The following IRS1 variants were observed in gnomAD, a reference collection of about 807,000 sequenced individuals.
IRS1 encodes the protein insulin receptor substrate 1.
Under a neutral mutation model 65.6 loss-of-function variants are expected in IRS1, and 34 were observed. The ratio of observed to expected loss-of-function variants is 0.52; its 90% confidence interval spans 0.39 to 0.69. The LOEUF is 0.69. Among genes scored for constraint, IRS1 ranks in the 30% least tolerant of loss-of-function variants. The pLI, the probability that IRS1 is intolerant of heterozygous loss-of-function variation, is 0.00. For synonymous variants in IRS1, 699 were observed against 683.5 expected (o/e 1.02, Z -0.35); for missense variants, 1,641 against 1,720.2 (o/e 0.95, Z 0.81).
Position 226,795,997 on chromosome 2 carries a change from A to G in IRS1, c.2742T>C (p.Ala914=), listed in dbSNP as rs1434152075. ...ACCTGACAGAAGGTGAGCTGTGGAAAGCCACCGGGCCAGACAAGTAGCCAG... is the reference window on the plus strand; with the variant it reads ...ACCTGACAGAAGGTGAGCTGTGGAAGGCCACCGGGCCAGACAAGTAGCCAG... The part of the protein sequence containing the change: ...DQSGYLSGPV[A]FHSSPSVRCP... Residue 914 remains alanine (A), a synonymous_variant, in exon 1 of 2, where the codon GCT becomes GCC. Transcript: ENST00000305123. 2 of 1,614,142 alleles carry G rather than the reference A, an allele frequency of 1.2e-6. No individual in the cohort carries two copies. The highest frequency in any genetic ancestry group is 2.2e-5 in the East Asian group (1 of 44,882).
At chr2:226,753,941 C>T (rs1271177708) in intron 1 of IRS1, among the ~76,000 whole-genome samples, 2 of 152,196 alleles carry the variant, frequency 1.3e-5, no homozygotes, top group Non-Finnish European at 2.9e-5. Context: ...CAGCCTAAAC[C>T]TCCCGGGCTC....
intron 1 of IRS1, among the ~76,000 whole-genome samples, chr2:226,792,883 AG>A (rs1233600901): frequency 6.6e-6 from 1 of 152,244 alleles, no homozygotes; most frequent in East Asian, 1.9e-4. Context: ...AGCAGAATTG[AG>A]GATGTAAATG....
At chr2:226,744,929 G>A (rs1255459021) in intron 1 of IRS1, among the ~76,000 whole-genome samples, 3 of 151,580 alleles carry the variant, frequency 2.0e-5, no homozygotes, top group East Asian at 1.9e-4. Flanking sequence ...TCTTTGAAGC[G>A]AACTGTTCTT....
intron 1 of IRS1, among the ~76,000 whole-genome samples, chr2:226,746,224 T>G (rs1210142003): frequency 6.6e-6 from 1 of 152,208 alleles, no homozygotes; most frequent in African/African-American, 2.4e-5. Context: ...CACATGAATA[T>G]GCTTAAATGG....
intron 1 of IRS1, among the ~76,000 whole-genome samples, chr2:226,752,691 G>A (rs766147573): frequency 1.3e-5 from 2 of 152,184 alleles, no homozygotes; most frequent in Non-Finnish European, 2.9e-5. Context: ...AACCAGTTGA[G>A]ACAGAGTGAG....
chr2:226,732,474 A>G lies in IRS1; in HGVS notation c.*3798T>C, dbSNP rs948835452. The G allele has an allele frequency of 6.8e-6, 1 of 148,000 alleles. No homozygotes were observed. Among genetic ancestry groups the G allele is most frequent in the South Asian group, 2.1e-4 (1 of 4,766 alleles). The allele number at this position is 148,000 out of a possible 1,614,324, so 9.2% of individuals were successfully genotyped here. ...TTCTCACAAGCCTATACATCTATAT[A>G]TATATATATATATATATACACACAC... On this transcript the variant is annotated 3_prime_UTR_variant, in exon 2 of 2. Coordinates refer to ENST00000305123, the MANE Select transcript of IRS1 (RefSeq NM_005544.3).
rs1253015939 is a variant in IRS1 at position 226,794,420 on chromosome 2, C to T, written c.*21+569G>A. Among the ~76,000 whole-genome samples the T allele has an allele frequency of 6.6e-6, 1 of 152,232 alleles. No homozygotes were observed. Among genetic ancestry groups the T allele is most frequent in the Non-Finnish European group, 1.5e-5 (1 of 68,038 alleles). ...AATACATATTTCTAAAAAGCTCTTACTCCTGATCTTTTTAGGGCAGGATGA... is the reference window on the plus strand; with the variant it reads ...AATACATATTTCTAAAAAGCTCTTATTCCTGATCTTTTTAGGGCAGGATGA... On this transcript the variant is annotated intron_variant, in intron 1 of 1. Coordinates refer to ENST00000305123, the MANE Select transcript of IRS1 (RefSeq NM_005544.3). The surrounding 1 kb of genome is among the most constrained non-coding windows in gnomAD (Gnocchi z 4.1).
At chr2:226,760,758 T>C (rs1021921206) in intron 1 of IRS1, among the ~76,000 whole-genome samples, 3 of 152,230 alleles carry the variant, frequency 2.0e-5, no homozygotes, top group Non-Finnish European at 2.9e-5. Context: ...TTTCAGATGA[T>C]GCTAGGAAGG....
intron 1 of IRS1, among the ~76,000 whole-genome samples, chr2:226,744,685 C>G (rs1392791827): frequency 6.6e-6 from 1 of 152,160 alleles, no homozygotes. Context: ...TGCACATGCT[C>G]TTTATGAGAA....
chr2:226,798,801 C>A lies in IRS1; in HGVS notation c.-63G>T. 6.4e-7 allele frequency: 1 copy of A among 1,564,026 alleles called. No individual in the cohort carries two copies. ...CTCCGAAAAACAACCGGGTGGGGGGCGGAGGCTCCTCGCCGCGGCCCGGCA... is the reference window on the plus strand; with the variant it reads ...CTCCGAAAAACAACCGGGTGGGGGGAGGAGGCTCCTCGCCGCGGCCCGGCA... On this transcript the variant is annotated 5_prime_UTR_variant, in exon 1 of 2. Coordinates refer to ENST00000305123, the MANE Select transcript of IRS1 (RefSeq NM_005544.3). The surrounding 1 kb of genome is among the most constrained non-coding windows in gnomAD (Gnocchi z 9.4).
At chr2:226,775,439 G>T (rs1447911506) in intron 1 of IRS1, among the ~76,000 whole-genome samples, 1 of 152,240 alleles carries the variant, frequency 6.6e-6, no homozygotes, top group African/African-American at 2.4e-5. Context: ...GATAAACAAG[G>T]AGGCGAGAAT....
In IRS1 at chr2:226,798,980, A is replaced by G; in HGVS notation, c.-242T>C. The G allele has an allele frequency of 2.1e-6, 3 of 1,440,030 alleles. No individual in the cohort carries two copies. 89.2% of individuals were successfully genotyped at this position (1,440,030 alleles called of 1,614,324 possible). A position where few individuals can be genotyped will look rare whatever the true frequency, so the allele number is the denominator to read the frequency against. On this transcript the variant is annotated 5_prime_UTR_variant, in exon 1 of 2. Transcript: ENST00000305123. The surrounding 1 kb of genome is among the most constrained non-coding windows in gnomAD (Gnocchi z 9.4). ...GGCGCTTCACGCCCGGCGGGGAGGC[A>G]GTGCGTCCGGGGTGAGGGCAGCCCC... is the stretch of plus-strand genomic sequence containing the variant.
Position 226,782,464 on chromosome 2 carries a change from C to T in IRS1, c.*21+12525G>A, listed in dbSNP as rs893994923. On this transcript the variant is annotated intron_variant, in intron 1 of 1. Transcript: ENST00000305123. The stretch of plus-strand genomic sequence containing the variant: ...CAAATCTAGATTTATGCTCAGGCAG[C>T]GAAAGCCCTTTCAAACCATTTCAAA... 2.6e-5 allele frequency among the ~76,000 whole-genome samples: 4 copies of T among 152,130 alleles called. No homozygotes were observed. The South Asian group carries it at 6.2e-4, about 24-fold the overall frequency.
At chr2:226,745,777 C>G (rs1489276634) in intron 1 of IRS1, among the ~76,000 whole-genome samples, 4 of 152,124 alleles carry the variant, frequency 2.6e-5, no homozygotes, top group Non-Finnish European at 5.9e-5. Context: ...TGAAAACACA[C>G]CAGCCAAAAA....
chr2:226,791,843 C>G (rs1218040073), intron 1 of IRS1, among the ~76,000 whole-genome samples: 1 of 151,954 alleles, frequency 6.6e-6, no homozygotes, highest in Non-Finnish European at 1.5e-5. Flanking sequence ...AGGGGCCCCA[C>G]CGCCCTGGAT....
intron 1 of IRS1, among the ~76,000 whole-genome samples, chr2:226,760,578 C>T (rs943823267): frequency 9.2e-5 from 14 of 152,258 alleles, no homozygotes; most frequent in African/African-American, 3.4e-4. Context: ...ACATTCTTGT[C>T]CATCTGGAAT....
chr2:226,739,782 A>G (rs1938399033), intron 1 of IRS1, among the ~76,000 whole-genome samples: 1 of 152,190 alleles, frequency 6.6e-6, no homozygotes, highest in South Asian at 2.1e-4. Context: ...CTGAACTTGA[A>G]TAAAGCAACT....
chr2:226,789,293 T>C (rs939176488), intron 1 of IRS1, among the ~76,000 whole-genome samples: 4 of 152,170 alleles, frequency 2.6e-5, no homozygotes, highest in Non-Finnish European at 5.9e-5. Context: ...GAAATCCACA[T>C]GGAGGGACAA....
In IRS1 at chr2:226,745,322, A is replaced by G. The variant is rs13405260; in HGVS notation, c.*22-9072T>C. Among the ~76,000 whole-genome samples the G allele has an allele frequency of 8.4e-3, 1,279 of 152,334 alleles. 22 individuals are homozygous for G. Among genetic ancestry groups the G allele is most frequent in the African/African-American group, 0.029 (1,226 of 41,572 alleles). On this transcript the variant is annotated intron_variant, in intron 1 of 1. Coordinates refer to ENST00000305123, the MANE Select transcript of IRS1 (RefSeq NM_005544.3). ...TTGAGTTGCCTCTTTCTGAGTGACA[A>G]GTGAGTAACCTGTATGCGATTTTGA... is the stretch of plus-strand genomic sequence containing the variant.
Sources: gnomAD v4.1 joint callset for allele counts (sites outside exome capture counted in the v4.1 genomes callset) on GRCh38, gnomAD v4.1.1 for gene constraint, Gnocchi (gnomAD v3.1) non-coding constraint, MANE v1.5 for transcripts, NCBI Gene and HGNC (gene_info 2026-07-23, HGNC 2026-07-21) for gene names.